DPY19L2: variants seen among roughly 807,000 people sequenced by gnomAD.
The protein encoded by DPY19L2 is dpy-19 like 2, also known as probable C-mannosyltransferase DPY19L2.
In DPY19L2, 34 loss-of-function variants were observed where a neutral mutation model predicts 97.9. The observed-to-expected ratio is 0.35, with a 90% confidence interval of 0.26 to 0.46. DPY19L2 has a LOEUF of 0.46. Ranked by LOEUF, DPY19L2 falls within the 20% of genes least tolerant of loss-of-function variation. DPY19L2 has a pLI of 1.00. For missense variants in DPY19L2, 623 were observed against 911.4 expected, an observed-to-expected ratio of 0.68 and a Z score of 4.07; for synonymous variants, 230 against 307.9, an observed-to-expected ratio of 0.75 and a Z score of 2.65.
At chr12:63,659,747 TG>T (rs1456274985) in intron 4 of DPY19L2, among the ~76,000 whole-genome samples, 1 of 152,140 alleles carries the variant, frequency 6.6e-6, no homozygotes, top group African/African-American at 2.4e-5. Flanking sequence ...GAGCATTTTT[TG>T]GCATTCCAAA....
chr12:63,647,891 T>C (rs1315903222), intron 4 of DPY19L2, among the ~76,000 whole-genome samples: 2 of 152,188 alleles, frequency 1.3e-5, no homozygotes, highest in Non-Finnish European at 1.5e-5. Context: ...CCTCATTTTC[T>C]GAGATTTGGA....
chr12:63,641,428 T>C (rs1180784301), intron 6 of DPY19L2, among the ~76,000 whole-genome samples: 2 of 152,084 alleles, frequency 1.3e-5, no homozygotes, highest in East Asian at 1.9e-4. Flanking sequence ...GAGTCTCCAC[T>C]TGCCAGCCTC....
At chr12:63,653,126 G>A (rs1044349445) in intron 4 of DPY19L2, among the ~76,000 whole-genome samples, 2 of 152,100 alleles carry the variant, frequency 1.3e-5, no homozygotes, top group Admixed American at 1.3e-4. Context: ...CTGAGCAAAA[G>A]AGAAAAAACA....
intron 5 of DPY19L2, among the ~76,000 whole-genome samples, chr12:63,646,314 C>T (rs4044866): frequency 6.6e-6 from 1 of 152,250 alleles, no homozygotes; most frequent in East Asian, 1.9e-4. Flanking sequence ...TCACACCTTC[C>T]AGCTGATTGA....
chr12:63,654,208 G>A (rs746711216), intron 4 of DPY19L2, among the ~76,000 whole-genome samples: 1 of 152,020 alleles, frequency 6.6e-6, no homozygotes, highest in Non-Finnish European at 1.5e-5. Flanking sequence ...TAAAATATGT[G>A]TAAAACGAGT....
At position 63,560,026 on chromosome 12, in the gene DPY19L2, C is replaced by T. The variant is rs2137225792; in HGVS notation, c.*486G>A. ...TAAAATAAAAACACCTTAAAAGACA[C>T]ACTGTTACAATTTCCTCACAGAGGT... On this transcript the variant is annotated 3_prime_UTR_variant, in exon 22 of 22. Coordinates refer to ENST00000324472, the MANE Select transcript of DPY19L2 (RefSeq NM_173812.5). The T allele has an allele frequency of 6.6e-6, 1 of 152,574 alleles. No homozygotes were observed. Among genetic ancestry groups the T allele is most frequent in the East Asian group, 1.9e-4 (1 of 5,186 alleles). The allele number at this position is 152,574 out of a possible 1,614,324, so 9.5% of individuals were successfully genotyped here. A position where few individuals can be genotyped will look rare whatever the true frequency, so the allele number is the denominator to read the frequency against.
intron 5 of DPY19L2, among the ~76,000 whole-genome samples, chr12:63,646,196 G>A (rs1396359050): frequency 6.6e-6 from 1 of 152,102 alleles, no homozygotes; most frequent in South Asian, 2.1e-4. Context: ...AAGGCCCCAC[G>A]TCTAGCTGGT....
intron 21 of DPY19L2, among the ~76,000 whole-genome samples, chr12:63,565,296 G>A (rs2942631): frequency 6.6e-6 from 1 of 151,842 alleles, no homozygotes; most frequent in Non-Finnish European, 1.5e-5. Flanking sequence ...TTTGGAGCTC[G>A]TAAGTCTAAA....
intron 4 of DPY19L2, chr12:63,651,793 AC>A: frequency 5.9e-6 from 2 of 338,118 alleles, no homozygotes; most frequent in Non-Finnish European, 5.9e-6. Flanking sequence ...AACCAGAAGG[AC>A]CCCGGTGTCC....
chr12:63,589,764 A>G (rs183046595), intron 16 of DPY19L2, among the ~76,000 whole-genome samples: 2 of 152,200 alleles, frequency 1.3e-5, no homozygotes, highest in Non-Finnish European at 2.9e-5. Context: ...AATGAACTAT[A>G]AGTTGACATC....
rs1436193525 is a variant in DPY19L2 at position 63,583,819 on chromosome 12, T to C, written c.1598A>G (p.His533Arg). ...TTAAAATGAAAGCTTTACCTCACTGTGTTCAAGGAGCTGTTTTCTAGAATA... is the reference window on the plus strand; with the variant it reads ...TTAAAATGAAAGCTTTACCTCACTGCGTTCAAGGAGCTGTTTTCTAGAATA... Reference protein sequence around the residue: ...NIYLRKQLLEHSELAFHTLQL... With the variant: ...NIYLRKQLLERSELAFHTLQL... Residue 533 changes from histidine to arginine, a missense_variant, in exon 17 of 22, where the codon CAC becomes CGC. Around this residue, in one of 6 missense-constraint regions of DPY19L2, gnomAD observed 294 missense variants for 446.2 expected, o/e 0.66. Coordinates refer to ENST00000324472, the MANE Select transcript of DPY19L2 (RefSeq NM_173812.5). 6.2e-7 allele frequency: 1 copy of C among 1,611,650 alleles called. No homozygotes were observed. The highest frequency in any genetic ancestry group is 8.5e-7 in the Non-Finnish European group (1 of 1,178,390).
At chr12:63,647,581 T>G (rs1893594650) in intron 4 of DPY19L2, among the ~76,000 whole-genome samples, 1 of 152,104 alleles carries the variant, frequency 6.6e-6, no homozygotes, top group Admixed American at 6.5e-5. Context: ...TTAAAAAGCT[T>G]TATAGATTCA....
intron 6 of DPY19L2, among the ~76,000 whole-genome samples, chr12:63,640,345 T>C (rs1892498681): frequency 6.6e-6 from 1 of 152,072 alleles, no homozygotes; most frequent in Admixed American, 6.6e-5. Context: ...GAACTTAAAG[T>C]ATAATAATAA....
intron 16 of DPY19L2, among the ~76,000 whole-genome samples, chr12:63,585,097 C>T (rs1275931257): frequency 6.6e-6 from 1 of 151,978 alleles, no homozygotes; most frequent in African/African-American, 2.4e-5. Flanking sequence ...GGATGCGTCG[C>T]CCTGCAGATA....
At chr12:63,594,631 C>A (rs577663294) in intron 15 of DPY19L2, among the ~76,000 whole-genome samples, 34 of 141,186 alleles carry the variant, frequency 2.4e-4, no homozygotes, top group African/African-American at 9.5e-4. Context: ...TGACTGGCTG[C>A]AGGGACGTGT....
rs754194503 is a variant in DPY19L2, at chr12:63,625,397, GA to G, written c.861+1071del. Among the ~76,000 whole-genome samples, 719 of 131,864 alleles carry G rather than the reference GA, an allele frequency of 5.5e-3. 2 individuals carry two copies. Among genetic ancestry groups the G allele is most frequent in the Middle Eastern group, 0.011 (3 of 268 alleles). 86.5% of individuals were successfully genotyped at this position (131,864 alleles called of 152,430 possible). A position where few individuals can be genotyped will look rare whatever the true frequency, so the allele number is the denominator to read the frequency against. On this transcript the variant is annotated intron_variant, in intron 7 of 21. Coordinates refer to ENST00000324472, the MANE Select transcript of DPY19L2 (RefSeq NM_173812.5). ...GGGTGACAAAGCAAGACTCTATCTTGAAAAAAAAAAAAAAGTACTTCTACCC... is the reference window on the plus strand; with the variant it reads ...GGGTGACAAAGCAAGACTCTATCTTGAAAAAAAAAAAAAGTACTTCTACCC...
chr12:63,599,597 G>A (rs1884808141), intron 13 of DPY19L2, among the ~76,000 whole-genome samples: 2 of 152,026 alleles, frequency 1.3e-5, no homozygotes, highest in South Asian at 4.1e-4. Flanking sequence ...ATTAAATGAG[G>A]TAAATTTCAA....
chr12:63,559,329 G>A lies in DPY19L2; in HGVS notation c.*1183C>T, dbSNP rs908467323. ...GGCATTTTGTTATTTCAAGTGTAGA[G>A]GGGCAAGAACATAAGGGAATTATAA... On this transcript the variant is annotated 3_prime_UTR_variant, in exon 22 of 22. Coordinates refer to ENST00000324472, the MANE Select transcript of DPY19L2 (RefSeq NM_173812.5). The A allele has an allele frequency of 6.6e-6, 1 of 152,220 alleles. No homozygotes were observed. The highest frequency in any genetic ancestry group is 2.4e-5 in the African/African-American group (1 of 41,414). The allele number at this position is 152,220 out of a possible 1,614,324, so 9.4% of individuals were successfully genotyped here.
intron 4 of DPY19L2, among the ~76,000 whole-genome samples, chr12:63,652,364 A>G (rs1894371255): frequency 6.6e-6 from 1 of 152,124 alleles, no homozygotes; most frequent in African/African-American, 2.4e-5. Flanking sequence ...AGCAGTTTGG[A>G]AATTTCTCAA....
Sources: gnomAD v4.1 joint callset for allele counts (sites outside exome capture counted in the v4.1 genomes callset) on GRCh38, gnomAD v4.1.1 for gene constraint, gnomAD v4.1.1 regional missense constraint, MANE v1.5 for transcripts, NCBI Gene and HGNC (gene_info 2026-07-23, HGNC 2026-07-21) for gene names.